ALOX12B: variants seen among roughly 807,000 people sequenced by gnomAD.
The protein encoded by ALOX12B is arachidonate 12-lipoxygenase, 12R type.
In ALOX12B, 47 loss-of-function variants were observed where a neutral mutation model predicts 78.9. The ratio of observed to expected loss-of-function variants is 0.60; its 90% CI spans 0.47 to 0.76. The LOEUF is 0.76. Among genes scored for constraint, ALOX12B ranks in the 30% least tolerant of loss-of-function variants. The pLI is 0.00. For synonymous variants in ALOX12B, 370 were observed against 374.5 expected, an observed-to-expected ratio of 0.99 and a Z score of 0.14; for missense variants, 805 against 922.6, an observed-to-expected ratio of 0.87 and a Z score of 1.65.
intron 13 of ALOX12B, 129 bp from the exon 14 acceptor site, chr17:8,073,447 G>T: frequency 1.5e-6 from 2 of 1,376,226 alleles, no homozygotes; most frequent in Non-Finnish European, 2.0e-6. Context: ...GGCTGGGCTG[G>T]GTTGGTTAGA....
In ALOX12B at chr17:8,080,672, G is replaced by A; in HGVS notation, c.636C>T (p.Val212=). 6.2e-7 allele frequency: 1 copy of A among 1,614,180 alleles called. No individual in the cohort carries two copies. The highest frequency in any genetic ancestry group is 8.5e-7 in the Non-Finnish European group (1 of 1,180,028). The change falls in exon 5 of 15, where the codon GTC becomes GTT. Residue 212 remains valine (V), a synonymous_variant. Coordinates refer to ENST00000647874, the MANE Select transcript of ALOX12B (RefSeq NM_001139.3). The surrounding 1 kb of genome is among the most constrained non-coding windows in gnomAD (Gnocchi z 4.8). ...YSFLKTASFF[V]RLGPMALAFK... ...CACGGACTCACATGGGCCCCAGGCG[G>A]ACGAAGAAGGAGGCCGTCTTGAGGA... is the stretch of plus-strand genomic sequence containing the variant.
Position 8,080,061 on chromosome 17 carries a change from G to T in ALOX12B, c.755-120C>A. 1 of 1,511,526 alleles carries T rather than the reference G, an allele frequency of 6.6e-7. No individual in the cohort carries two copies. The allele number at this position is 1,511,526 out of a possible 1,614,324, so 93.6% of individuals were successfully genotyped here. A position where few individuals can be genotyped will look rare whatever the true frequency, so the allele number is the denominator to read the frequency against. ...GTCGGGGAGGAAAACGAGGCCCCCAGCCTGGCGCTGAGCGGCCGGAGGAGC... is the reference window on the plus strand; with the variant it reads ...GTCGGGGAGGAAAACGAGGCCCCCATCCTGGCGCTGAGCGGCCGGAGGAGC... On this transcript the variant is annotated intron_variant, in intron 6 of 14. Transcript: ENST00000647874. The surrounding 1 kb of genome is among the most constrained non-coding windows in gnomAD (Gnocchi z 4.8).
At position 8,076,644 on chromosome 17, in the gene ALOX12B, G is replaced by A; in HGVS notation, c.1362+13C>T. On this transcript the variant is annotated intron_variant, in intron 10 of 14. Coordinates refer to ENST00000647874, the MANE Select transcript of ALOX12B (RefSeq NM_001139.3). ...AACAAATGTCTCGTTGGGGTTGGGG[G>A]CAGAAGTCTTACCTTGGCAGAGAGC... The A allele has an allele frequency of 6.5e-7, 1 of 1,549,992 alleles. No homozygotes were observed. The highest frequency in any genetic ancestry group is 8.7e-7 in the Non-Finnish European group (1 of 1,145,600).
In ALOX12B at chr17:8,073,644, A is replaced by G. The variant is rs781757357; in HGVS notation, c.1755+13T>C. 9 of 1,612,424 alleles carry G rather than the reference A, an allele frequency of 5.6e-6. No individual in the cohort carries two copies. Among genetic ancestry groups the G allele is most frequent in the Non-Finnish European group, 6.8e-6 (8 of 1,178,662 alleles). On this transcript the variant is annotated intron_variant, in intron 13 of 14. Transcript: ENST00000647874. ...GCCTCGGGCTGGGCCTGGGTTGGTG[A>G]GACCACCGGTACCTGGCCTGTGTTG...
intron 12 of ALOX12B, 62 bp from the exon 13 acceptor site, chr17:8,073,819 G>C (rs1342802512): frequency 7.4e-6 from 10 of 1,353,078 alleles, no homozygotes; most frequent in Non-Finnish European, 1.0e-5. Flanking sequence ...CTGCCCGGCA[G>C]AGGGCGCCAC....
intron 10 of ALOX12B, 111 bp from the exon 11 acceptor site, chr17:8,076,455 C>T (rs1018056615): frequency 1.4e-6 from 2 of 1,391,460 alleles, no homozygotes; most frequent in African/African-American, 2.9e-5. Flanking sequence ...CCCACCCCAC[C>T]TCCAGGAACA....
At position 8,075,744 on chromosome 17, in the gene ALOX12B, G is replaced by C. The variant is rs776606188; in HGVS notation, c.1533-28C>G. ...GACCAGGGGACAGGGCCTCAGTTTG[G>C]ATCCTCCTCCCCTCCCACTCCTCAG... On this transcript the variant is annotated intron_variant, in intron 11 of 14. Coordinates refer to ENST00000647874, the MANE Select transcript of ALOX12B (RefSeq NM_001139.3). 17 of 1,613,968 alleles carry C rather than the reference G, an allele frequency of 1.1e-5. No individual in the cohort carries two copies. In the Admixed American group the frequency reaches 2.8e-4, roughly 27 times the overall value.
chr17:8,075,094 G>T (rs1034708990), intron 12 of ALOX12B, among the ~76,000 whole-genome samples: 2 of 110,922 alleles, frequency 1.8e-5, no homozygotes, highest in African/African-American at 7.9e-5. Context: ...CTCCTTGAAG[G>T]CAGGCACCTT....
At chr17:8,075,028 C>T (rs1354191381) in intron 12 of ALOX12B, among the ~76,000 whole-genome samples, 1 of 152,184 alleles carries the variant, frequency 6.6e-6, no homozygotes, top group Non-Finnish European at 1.5e-5. Flanking sequence ...TAGGCGCCTT[C>T]CCTGGGCTTC....
Position 8,087,645 on chromosome 17 carries a change from G to T in ALOX12B, c.-203C>A. The T allele has an allele frequency of 2.4e-6, 2 of 847,602 alleles. No individual in the cohort carries two copies. Among genetic ancestry groups the T allele is most frequent in the Non-Finnish European group, 3.7e-6 (2 of 543,878 alleles). 52.5% of individuals were successfully genotyped at this position (847,602 alleles called of 1,614,324 possible). On this transcript the variant is annotated 5_prime_UTR_variant, in exon 1 of 15. Transcript: ENST00000647874. ...AAAGCTGCTGCCCTTGGTGGCCGGG[G>T]TGGGTGCCGGGCAGGCCCAGGCGGA...
chr17:8,078,115 T>TTTCA (rs1398117381), intron 8 of ALOX12B, among the ~76,000 whole-genome samples: 4 of 143,168 alleles, frequency 2.8e-5, no homozygotes, highest in African/African-American at 1.0e-4. Flanking sequence ...TTTTATTTCA[T>TTTCA]TTTATTTATT....
In ALOX12B at chr17:8,087,259, GACACAC is replaced by G. The variant is rs3217514; in HGVS notation, c.147+31_147+36del. Reference sequence around the variant, plus strand: ...ACAGACACACACACACACACACACAGACACACACACACACACACACACACACACACT... The same window carrying G: ...ACAGACACACACACACACACACACAGACACACACACACACACACACACACT... On this transcript the variant is annotated intron_variant, in intron 1 of 14. Transcript: ENST00000647874. The G allele has an allele frequency of 5.7e-3, 6,081 of 1,069,722 alleles. 105 individuals are homozygous for G. The African/African-American group carries it at 0.072, about 13-fold the overall frequency. 66.3% of individuals were successfully genotyped at this position (1,069,722 alleles called of 1,614,324 possible).
At chr17:8,076,469 C>T (rs910141025) in intron 10 of ALOX12B, 125 bp from the exon 11 acceptor site, 40 of 1,330,934 alleles carry the variant, frequency 3.0e-5, no homozygotes, top group Non-Finnish European at 4.2e-5. Context: ...AGGAACAATC[C>T]TGCTCTGGGC....
In ALOX12B at chr17:8,087,588, G is replaced by T. The variant is rs959019920; in HGVS notation, c.-146C>A. 59 of 1,369,178 alleles carry T rather than the reference G, an allele frequency of 4.3e-5. No individual in the cohort carries two copies. In the East Asian group the frequency reaches 1.4e-3, roughly 32 times the overall value. The allele number at this position is 1,369,178 out of a possible 1,614,324, so 84.8% of individuals were successfully genotyped here. A position where few individuals can be genotyped will look rare whatever the true frequency, so the allele number is the denominator to read the frequency against. ...AGGTGCAGTGGTGAGGTGGCGAGGT[G>T]GGGTGACTAGGCCTGCCAGCCAAAT... On this transcript the variant is annotated 5_prime_UTR_variant, in exon 1 of 15. Transcript: ENST00000647874.
At chr17:8,074,453 C>A (rs531672649) in intron 12 of ALOX12B, among the ~76,000 whole-genome samples, 1 of 151,118 alleles carries the variant, frequency 6.6e-6, no homozygotes, top group Non-Finnish European at 1.5e-5. Context: ...CGCCCTTGGC[C>A]CCTCCCTCCC....
Position 8,079,311 on chromosome 17 carries a change from A to T in ALOX12B, c.1071+85T>A. Reference sequence around the variant, plus strand: ...GAGACGGCTGAATACATGCAGGTCCACACGCTCACATAAGCGCGCGCACAC... The same window carrying T: ...GAGACGGCTGAATACATGCAGGTCCTCACGCTCACATAAGCGCGCGCACAC... On this transcript the variant is annotated intron_variant, in intron 8 of 14. Transcript: ENST00000647874. This position sits in a 1 kb window ranked among gnomAD's most constrained non-coding sequence, Gnocchi z 6.4. 1.3e-6 allele frequency: 2 copies of T among 1,528,680 alleles called. No homozygotes were observed. Among genetic ancestry groups the T allele is most frequent in the Non-Finnish European group, 1.8e-6 (2 of 1,132,910 alleles). 94.7% of individuals were successfully genotyped at this position (1,528,680 alleles called of 1,614,324 possible). A position where few individuals can be genotyped will look rare whatever the true frequency, so the allele number is the denominator to read the frequency against.
chr17:8,073,258 T>C lies in ALOX12B; in HGVS notation c.1816A>G (p.Thr606Ala). The C allele has an allele frequency of 6.2e-7, 1 of 1,614,124 alleles. No individual in the cohort carries two copies. Among genetic ancestry groups the C allele is most frequent in the Non-Finnish European group, 8.5e-7 (1 of 1,180,016 alleles). ...PASMRNPPIQTKGLTTLETFM... is the reference protein window; with the variant it reads ...PASMRNPPIQAKGLTTLETFM... ...GTCTCCAGAGTGGTCAGCCCCTTAG[T>C]CTGAATCGGTGGATTCCGCATGGAC... The change falls in exon 14 of 15, where the codon ACT becomes GCT. Residue 606 changes from threonine (T) to alanine (A), a missense_variant. Coordinates refer to ENST00000647874, the MANE Select transcript of ALOX12B (RefSeq NM_001139.3).
At chr17:8,078,897 T>C (rs886971084) in intron 8 of ALOX12B, among the ~76,000 whole-genome samples, 27 of 56,918 alleles carry the variant, frequency 4.7e-4, no homozygotes, top group Non-Finnish European at 7.6e-4. Context: ...ACTGGGACTT[T>C]TTTTTTTTTT....
At chr17:8,073,596 T>C (rs1324125023) in intron 13 of ALOX12B, 61 bp downstream of exon 13, 16 of 1,478,202 alleles carry the variant, frequency 1.1e-5, no homozygotes, top group Non-Finnish European at 1.5e-5. Flanking sequence ...GGTTGGGGCA[T>C]GGACGAAATT....
Sources: allele counts gnomAD v4.1 joint callset (sites outside exome capture counted in the v4.1 genomes callset), GRCh38; gene constraint gnomAD v4.1.1; non-coding constraint Gnocchi (gnomAD v3.1); transcripts MANE v1.5; gene names NCBI Gene and HGNC (gene_info 2026-07-23, HGNC 2026-07-21).